SPOCK1: variants seen among roughly 807,000 people sequenced by gnomAD.
SPOCK1 encodes testican-1.
A neutral mutation model predicts 55.3 loss-of-function variants in SPOCK1; 23 were observed. That is an observed-to-expected ratio of 0.42 (90% CI 0.30 to 0.59). The LOEUF (loss-of-function observed/expected upper bound fraction) is 0.59, where lower values mean the gene tolerates loss of function less well. Among genes scored for constraint, SPOCK1 ranks in the 20% least tolerant of loss-of-function variants. The probability of loss-of-function intolerance (pLI) is 0.22; values close to 1 mark genes in which losing one functional copy is unlikely to be tolerated. For missense variants in SPOCK1, 499 were observed against 552.5 expected (o/e 0.90, Z 0.97); for synonymous variants, 226 against 221.0 (o/e 1.02, Z -0.20).
intron 8 of SPOCK1, among the ~76,000 whole-genome samples, chr5:136,987,001 T>C (rs1311801435): frequency 6.6e-6 from 1 of 151,990 alleles, no homozygotes; most frequent in Non-Finnish European, 1.5e-5. Flanking sequence ...TTCTACCAGG[T>C]AGTAAAACAT....
At chr5:137,391,209 T>C (rs1418425302) in intron 2 of SPOCK1, among the ~76,000 whole-genome samples, 1 of 152,232 alleles carries the variant, frequency 6.6e-6, no homozygotes, top group Non-Finnish European at 1.5e-5. Flanking sequence ...GCTTTATACA[T>C]GTCCCTGCAA....
At chr5:137,302,801 A>C (rs958716070) in intron 2 of SPOCK1, among the ~76,000 whole-genome samples, 2 of 152,104 alleles carry the variant, frequency 1.3e-5, no homozygotes, top group African/African-American at 2.4e-5. Flanking sequence ...AAGAAACTCA[A>C]AATAGTACAT....
intron 2 of SPOCK1, among the ~76,000 whole-genome samples, chr5:137,392,666 A>C (rs1348383074): frequency 6.6e-6 from 1 of 152,184 alleles, no homozygotes; most frequent in Non-Finnish European, 1.5e-5. Context: ...TACTGTTCTG[A>C]GGATTACAGG....
chr5:137,085,683 C>T (rs567576631), intron 5 of SPOCK1, among the ~76,000 whole-genome samples: 4 of 152,352 alleles, frequency 2.6e-5, no homozygotes, highest in African/African-American at 7.2e-5. Flanking sequence ...GAATGCCTAA[C>T]GGTGATGACG....
At chr5:137,039,802 C>A (rs376057640) in intron 6 of SPOCK1, among the ~76,000 whole-genome samples, 1 of 152,348 alleles carries the variant, frequency 6.6e-6, no homozygotes, top group African/African-American at 2.4e-5. Context: ...TCAAAGGGAA[C>A]CTTCTATGCA....
chr5:137,146,317 C>G (rs1243086496), intron 3 of SPOCK1, among the ~76,000 whole-genome samples: 3 of 152,078 alleles, frequency 2.0e-5, no homozygotes, highest in South Asian at 4.1e-4. Context: ...GACCAGTAAG[C>G]AAAAGATTAA....
chr5:137,026,830 G>A (rs1322210870), intron 6 of SPOCK1, among the ~76,000 whole-genome samples: 4 of 152,190 alleles, frequency 2.6e-5, no homozygotes, highest in Admixed American at 2.0e-4. Flanking sequence ...AGGCTGGATG[G>A]CTTGGTGGAC....
intron 2 of SPOCK1, among the ~76,000 whole-genome samples, chr5:137,298,853 C>T (rs1181187725): frequency 6.6e-6 from 1 of 152,034 alleles, no homozygotes; most frequent in Non-Finnish European, 1.5e-5. Flanking sequence ...ATTTCTCCAC[C>T]TTTTAATTTT....
intron 5 of SPOCK1, among the ~76,000 whole-genome samples, chr5:137,072,123 C>T (rs2127008478): frequency 6.6e-6 from 1 of 152,320 alleles, no homozygotes; most frequent in Admixed American, 6.5e-5. Context: ...TATGAAACAG[C>T]AGCCTCAGGA....
At chr5:137,221,689 T>C (rs1160089597) in intron 3 of SPOCK1, among the ~76,000 whole-genome samples, 3 of 152,232 alleles carry the variant, frequency 2.0e-5, no homozygotes, top group South Asian at 2.1e-4. Flanking sequence ...GTGTTTAGAC[T>C]GTAACTAAGT....
At chr5:137,364,502 T>G (rs1751015112) in intron 2 of SPOCK1, among the ~76,000 whole-genome samples, 1 of 152,158 alleles carries the variant, frequency 6.6e-6, no homozygotes, top group South Asian at 2.1e-4. Flanking sequence ...AACAAAGAGC[T>G]TTTTGCATGA....
chr5:137,458,711 A>G (rs1753417868), intron 2 of SPOCK1, among the ~76,000 whole-genome samples: 1 of 152,206 alleles, frequency 6.6e-6, no homozygotes, highest in Non-Finnish European at 1.5e-5. Flanking sequence ...AACATCTAAC[A>G]TTCTTGGGTG....
chr5:137,427,203 A>G (rs182692167), intron 2 of SPOCK1, among the ~76,000 whole-genome samples: 33 of 152,246 alleles, frequency 2.2e-4, no homozygotes, highest in Middle Eastern at 3.4e-3. Context: ...ACCCTCCCCC[A>G]ACCCACTGAG....
At chr5:137,007,214 T>C (rs886744516) in intron 6 of SPOCK1, among the ~76,000 whole-genome samples, 10 of 151,950 alleles carry the variant, frequency 6.6e-5, no homozygotes, top group Admixed American at 2.0e-4. Context: ...GCAATACCAT[T>C]CAGGACATAG....
intron 3 of SPOCK1, 51 bp from the exon 4 acceptor site, chr5:137,140,745 TA>T (rs772273594): frequency 3.3e-5 from 32 of 983,402 alleles, no homozygotes; most frequent in South Asian, 1.2e-4. Context: ...CAGGGAAATT[TA>T]ATTTTTTTTT....
chr5:137,039,310 G>A (rs1014805861), intron 6 of SPOCK1, among the ~76,000 whole-genome samples: 1 of 113,038 alleles, frequency 8.8e-6, no homozygotes, highest in Non-Finnish European at 1.8e-5. Context: ...TTGTTGCAAC[G>A]GGGACATTCT....
chr5:137,207,213 G>A (rs528590788), intron 3 of SPOCK1, among the ~76,000 whole-genome samples: 42 of 152,286 alleles, frequency 2.8e-4, no homozygotes, highest in African/African-American at 8.7e-4. Flanking sequence ...GTCACCAGCC[G>A]GCACTGCTAT....
intron 4 of SPOCK1, among the ~76,000 whole-genome samples, chr5:137,119,359 A>G (rs1753645811): frequency 6.6e-6 from 1 of 152,244 alleles, no homozygotes; most frequent in Non-Finnish European, 1.5e-5. Flanking sequence ...TTGAAATGAA[A>G]AACATGTTAA....
chr5:137,048,878 T>A, intron 6 of SPOCK1, among the ~76,000 whole-genome samples: 1 of 76,830 alleles, frequency 1.3e-5, no homozygotes, highest in Non-Finnish European at 2.5e-5. Flanking sequence ...TATAAAGTAT[T>A]TTATTTCTCC....
Sources: allele counts gnomAD v4.1 joint callset (sites outside exome capture counted in the v4.1 genomes callset), GRCh38; gene constraint gnomAD v4.1.1; transcripts MANE v1.5; gene names NCBI Gene and HGNC (gene_info 2026-07-23, HGNC 2026-07-21).